Variants in ADGRL2 observed in about 807,000 individuals in gnomAD.
The protein encoded by ADGRL2 is adhesion G protein-coupled receptor L2, also known as calcium-independent alpha-latrotoxin receptor 2.
Under a neutral mutation model 157.4 loss-of-function variants are expected in ADGRL2, and 44 were observed. The ratio of observed to expected loss-of-function variants is 0.28; its 90% CI spans 0.22 to 0.36. The LOEUF (loss-of-function observed/expected upper bound fraction) is 0.36, where lower values mean the gene tolerates loss of function less well. Ranked by LOEUF, ADGRL2 falls within the 10% of genes least tolerant of loss-of-function variation. The pLI is 1.00. For missense variants in ADGRL2, 1,510 were observed against 1,768.9 expected, an observed-to-expected ratio of 0.85 and a Z score of 2.63; for synonymous variants, 585 against 624.7, an observed-to-expected ratio of 0.94 and a Z score of 0.95.
chr1:81,764,744 G>A (rs1036538182), intron 2 of ADGRL2, among the ~76,000 whole-genome samples: 2 of 152,036 alleles, frequency 1.3e-5, no homozygotes, highest in Non-Finnish European at 2.9e-5. Context: ...AAATTCCTGA[G>A]TGGTTAAAGT....
intron 1 of ADGRL2, chr1:81,721,867 A>T: frequency 1.3e-6 from 1 of 787,302 alleles, no homozygotes; most frequent in Admixed American, 1.7e-5. Context: ...GGAAAAAAAA[A>T]ACCTGATAGT....
chr1:81,930,737 G>C (rs2095212742), intron 3 of ADGRL2, among the ~76,000 whole-genome samples: 1 of 152,128 alleles, frequency 6.6e-6, no homozygotes, highest in Non-Finnish European at 1.5e-5. Context: ...TTTTACAGAT[G>C]CATATTTGGC....
intron 1 of ADGRL2, among the ~76,000 whole-genome samples, chr1:81,810,276 T>C (rs2149643669): frequency 6.6e-6 from 1 of 152,098 alleles, no homozygotes; most frequent in Non-Finnish European, 1.5e-5. Context: ...ACAATATTTC[T>C]GTTTTATGCA....
intron 6 of ADGRL2, among the ~76,000 whole-genome samples, chr1:81,946,522 T>C (rs963455471): frequency 6.6e-6 from 1 of 152,024 alleles, no homozygotes; most frequent in Non-Finnish European, 1.5e-5. Context: ...TGGATTGCTT[T>C]ATATTTACTT....
At chr1:81,539,663 A>AC (rs2079834703) in intron 2 of ADGRL2, among the ~76,000 whole-genome samples, 1 of 152,162 alleles carries the variant, frequency 6.6e-6, no homozygotes, top group Non-Finnish European at 1.5e-5. Flanking sequence ...TTCTAAGACT[A>AC]AGAAGGCAGA....
intron 2 of ADGRL2, among the ~76,000 whole-genome samples, chr1:81,541,882 C>T (rs939383338): frequency 7.2e-5 from 11 of 152,008 alleles, no homozygotes; most frequent in East Asian, 1.9e-4. Context: ...CGCTTGAACC[C>T]GGGAGGTGGA....
intron 1 of ADGRL2, among the ~76,000 whole-genome samples, chr1:81,425,667 C>A (rs1436906582): frequency 2.0e-5 from 3 of 152,138 alleles, no homozygotes; most frequent in African/African-American, 7.2e-5. Flanking sequence ...GGAGAACTGA[C>A]CTTGGTTAAA....
chr1:81,710,718 A>G (rs546950543), intron 1 of ADGRL2, among the ~76,000 whole-genome samples: 2 of 151,060 alleles, frequency 1.3e-5, no homozygotes, highest in African/African-American at 4.9e-5. Context: ...ATTTAAAAAT[A>G]TTTGTTAATT....
intron 1 of ADGRL2, among the ~76,000 whole-genome samples, chr1:81,352,626 A>C (rs1204054081): frequency 6.6e-6 from 1 of 152,186 alleles, no homozygotes; most frequent in Non-Finnish European, 1.5e-5. Flanking sequence ...TTAGTGTTAT[A>C]TGGCCTTCCT....
intron 1 of ADGRL2, among the ~76,000 whole-genome samples, chr1:81,712,024 AGAGAAG>A (rs2083947685): frequency 6.6e-6 from 1 of 152,206 alleles, no homozygotes; most frequent in Non-Finnish European, 1.5e-5. Context: ...TCCGCCAAGT[AGAGAAG>A]GAAGTCTTTG....
chr1:81,356,971 A>G (rs4650532), intron 1 of ADGRL2, among the ~76,000 whole-genome samples: 49 of 99,380 alleles, frequency 4.9e-4, no homozygotes, highest in East Asian at 1.7e-3. Flanking sequence ...AAAAAAAAAA[A>G]AAGAAGTTGT....
In ADGRL2 at chr1:81,464,432, G is replaced by A. The variant is rs540523041; in HGVS notation, c.-248+19343G>A. 1.2e-4 allele frequency among the ~76,000 whole-genome samples: 19 copies of A among 152,094 alleles called. No homozygotes were observed. The South Asian group carries it at 1.7e-3, about 13-fold the overall frequency. ...AATCCAGACATCCCACACAGCAGGG[G>A]AAAAACTGCTGTATCTAGTGAAACA... On this transcript the variant is annotated intron_variant, in intron 2 of 24. Transcript: ENST00000370721.
chr1:81,639,540 C>CAAAAA (rs56281820), intron 3 of ADGRL2, among the ~76,000 whole-genome samples: 53 of 82,964 alleles, frequency 6.4e-4, no homozygotes, highest in African/African-American at 1.4e-3. Flanking sequence ...TCCATCTCTA[C>CAAAAA]AAAAAAAAAA....
intron 2 of ADGRL2, among the ~76,000 whole-genome samples, chr1:81,899,009 C>G (rs932385060): frequency 6.6e-6 from 1 of 152,126 alleles, no homozygotes; most frequent in African/African-American, 2.4e-5. Flanking sequence ...AATCAAAAAG[C>G]ATGGTGCTTC....
chr1:81,548,401 G>T lies in ADGRL2; in HGVS notation c.-247-32475G>T, dbSNP rs561691009. ...TCAGCCATTTGGAAATCAGGCTAAGGTAATTTTTCATATGCAAGTTATAAT... is the reference window on the plus strand; with the variant it reads ...TCAGCCATTTGGAAATCAGGCTAAGTTAATTTTTCATATGCAAGTTATAAT... On this transcript the variant is annotated intron_variant, in intron 2 of 24. Transcript: ENST00000370721. 4.5e-4 allele frequency among the ~76,000 whole-genome samples: 69 copies of T among 151,772 alleles called. 1 individual carries two copies. In the Middle Eastern group the frequency reaches 0.024, roughly 52 times the overall value.
chr1:81,563,446 A>C (rs1231274959), intron 2 of ADGRL2, among the ~76,000 whole-genome samples: 1 of 152,210 alleles, frequency 6.6e-6, no homozygotes, highest in Non-Finnish European at 1.5e-5. Flanking sequence ...CTAAAAGAGG[A>C]AGAAAGAGAG....
intron 2 of ADGRL2, among the ~76,000 whole-genome samples, chr1:81,459,957 C>T (rs1289613247): frequency 6.6e-6 from 1 of 151,936 alleles, no homozygotes; most frequent in East Asian, 1.9e-4. Flanking sequence ...ATTTTGCATT[C>T]CTACCAGCAG....
rs182580334 is a variant in ADGRL2 at position 81,825,191 on chromosome 1, A to T, written c.-100-11694A>T. ...AGTCCTGTTTCTATGAAATACTAAA[A>T]ATCAAAAATAAAGAAATAAAAATTT... On this transcript the variant is annotated intron_variant, in intron 1 of 23. Transcript: ENST00000686636. Among the ~76,000 whole-genome samples the T allele has an allele frequency of 5.7e-4, 87 of 152,216 alleles. 1 individual carries two copies. Among genetic ancestry groups the T allele is most frequent in the Middle Eastern group, 6.8e-3 (2 of 294 alleles).
intron 1 of ADGRL2, among the ~76,000 whole-genome samples, chr1:81,312,903 G>A (rs1473948370): frequency 3.1e-4 from 47 of 152,144 alleles, no homozygotes; most frequent in Admixed American, 3.1e-3. Context: ...GAAACAGAAA[G>A]AGTACTAGTT....
Sources: gnomAD v4.1 joint callset for allele counts (sites outside exome capture counted in the v4.1 genomes callset) on GRCh38, gnomAD v4.1.1 for gene constraint, MANE v1.5 for transcripts, NCBI Gene and HGNC (gene_info 2026-07-23, HGNC 2026-07-21) for gene names.